DENND1A: variants seen among roughly 807,000 people sequenced by gnomAD.
DENND1A encodes the protein DENN domain-containing protein 1A.
DENND1A carries 51 observed loss-of-function variants against 113.7 expected under a neutral mutation model. That is an observed-to-expected ratio of 0.45 (90% confidence interval 0.36 to 0.57). DENND1A has a LOEUF of 0.57. DENND1A is among the 20% of genes least tolerant of loss of function. The probability of loss-of-function intolerance (pLI) is 0.00; values close to 1 mark genes in which losing one functional copy is unlikely to be tolerated. For synonymous variants in DENND1A, 565 were observed against 570.8 expected (o/e 0.99, Z 0.14); for missense variants, 1,258 against 1,395.9 (o/e 0.90, Z 1.57).
chr9:123,523,345 G>A (rs966117783), intron 13 of DENND1A, among the ~76,000 whole-genome samples: 9 of 152,132 alleles, frequency 5.9e-5, no homozygotes, highest in Admixed American at 4.6e-4. Flanking sequence ...CACAAGAACC[G>A]TGCGAGGCGG....
intron 5 of DENND1A, among the ~76,000 whole-genome samples, chr9:123,691,623 A>G (rs1413793531): frequency 1.3e-5 from 2 of 151,356 alleles, no homozygotes; most frequent in Non-Finnish European, 2.9e-5. Context: ...CAGTCCAAAG[A>G]GCCCAGCTTG....
At chr9:123,493,779 G>A (rs1371501954) in intron 13 of DENND1A, among the ~76,000 whole-genome samples, 2 of 152,160 alleles carry the variant, frequency 1.3e-5, no homozygotes, top group Non-Finnish European at 2.9e-5. Flanking sequence ...GACTACGAGT[G>A]GAGGCTGCCA....
At chr9:123,802,143 G>A (rs1834779883) in intron 2 of DENND1A, among the ~76,000 whole-genome samples, 1 of 152,150 alleles carries the variant, frequency 6.6e-6, no homozygotes, top group Non-Finnish European at 1.5e-5. Context: ...TCAGCCAGAA[G>A]CAAAACTTGC....
At chr9:123,620,067 A>T (rs928807569) in intron 10 of DENND1A, among the ~76,000 whole-genome samples, 1 of 152,028 alleles carries the variant, frequency 6.6e-6, no homozygotes, top group African/African-American at 2.4e-5. Flanking sequence ...ACAAAAAATT[A>T]GCTGGGTGTG....
intron 1 of DENND1A, among the ~76,000 whole-genome samples, chr9:123,913,583 GAGA>G (rs1310828912): frequency 1.3e-5 from 2 of 152,226 alleles, no homozygotes; most frequent in Admixed American, 6.5e-5. Context: ...CTGGAAGAGG[GAGA>G]AGAAGAGAAA....
At chr9:123,653,495 C>CTGTCCCTCTTA (rs1307521956) in intron 8 of DENND1A, among the ~76,000 whole-genome samples, 1 of 152,180 alleles carries the variant, frequency 6.6e-6, no homozygotes, top group Non-Finnish European at 1.5e-5. Flanking sequence ...GAAAGATTCA[C>CTGTCCCTCTTA]ATCTATTATT....
chr9:123,426,169 A>G (rs2045711691), intron 19 of DENND1A, among the ~76,000 whole-genome samples: 1 of 152,144 alleles, frequency 6.6e-6, no homozygotes, highest in Non-Finnish European at 1.5e-5. Context: ...GAGGCTGGGT[A>G]CGTCCTCTTG....
At chr9:123,425,436 G>A (rs908033184) in intron 19 of DENND1A, among the ~76,000 whole-genome samples, 7 of 152,266 alleles carry the variant, frequency 4.6e-5, no homozygotes, top group Non-Finnish European at 8.8e-5. Context: ...ACCTGGCGCC[G>A]CGTGCGGGGA....
chr9:123,406,067 C>T lies in DENND1A; in HGVS notation c.1543-2577G>A, dbSNP rs544639736. Among the ~76,000 whole-genome samples, 8 of 152,324 alleles carry T rather than the reference C, an allele frequency of 5.3e-5. No individual in the cohort carries two copies. In the East Asian group the frequency reaches 1.2e-3, roughly 22 times the overall value. On this transcript the variant is annotated intron_variant, in intron 20 of 23. Transcript: ENST00000394215. ...CCTGCCCACCCTTTTTCCTGAACAT[C>T]GTACCCCCCACCCCCCAGAAGCTTG...
chr9:123,575,588 T>C (rs1385942561), intron 12 of DENND1A, among the ~76,000 whole-genome samples: 4 of 152,220 alleles, frequency 2.6e-5, no homozygotes, highest in African/African-American at 9.7e-5. Context: ...TTAAAATTGA[T>C]CGTTTGGTTA....
intron 10 of DENND1A, among the ~76,000 whole-genome samples, chr9:123,627,248 G>C (rs1392174511): frequency 6.6e-6 from 1 of 152,236 alleles, no homozygotes; most frequent in Non-Finnish European, 1.5e-5. Flanking sequence ...CCCAGGGTCA[G>C]TGGCAAGGCC....
chr9:123,894,409 C>G (rs1850393935), intron 1 of DENND1A, among the ~76,000 whole-genome samples: 1 of 152,194 alleles, frequency 6.6e-6, no homozygotes, highest in Non-Finnish European at 1.5e-5. Context: ...TCCTAAGGAG[C>G]TTACAACCAA....
At chr9:123,427,397 G>A (rs991621168) in intron 19 of DENND1A, among the ~76,000 whole-genome samples, 2 of 152,172 alleles carry the variant, frequency 1.3e-5, no homozygotes, top group African/African-American at 4.8e-5. Context: ...GACTGCAGTG[G>A]ACTTTGTCAC....
chr9:123,632,192 C>T (rs934590621), intron 9 of DENND1A, among the ~76,000 whole-genome samples: 2 of 152,104 alleles, frequency 1.3e-5, no homozygotes, highest in South Asian at 2.1e-4. Flanking sequence ...TGCTACTCCC[C>T]ACCCCCACCT....
chr9:123,902,777 G>C (rs1481886136), intron 1 of DENND1A, among the ~76,000 whole-genome samples: 1 of 145,366 alleles, frequency 6.9e-6, no homozygotes. Context: ...CTGCAAGGAA[G>C]AGGAGAACAA....
chr9:123,393,488 G>A (rs2042957370), intron 21 of DENND1A, among the ~76,000 whole-genome samples: 1 of 151,760 alleles, frequency 6.6e-6, no homozygotes, highest in Admixed American at 6.6e-5. Flanking sequence ...CTTCAGCCCA[G>A]GAGTTCCAGG....
intron 1 of DENND1A, among the ~76,000 whole-genome samples, chr9:123,913,454 G>A (rs1021111930): frequency 2.6e-5 from 4 of 152,056 alleles, no homozygotes; most frequent in Admixed American, 6.6e-5. Context: ...AGGTGGGAGG[G>A]AACCATCAGG....
intron 22 of DENND1A, among the ~76,000 whole-genome samples, chr9:123,387,052 C>T (rs1394351266): frequency 3.3e-5 from 5 of 152,218 alleles, no homozygotes; most frequent in African/African-American, 1.2e-4. Flanking sequence ...AACACATAAC[C>T]GTGTTAACAA....
intron 20 of DENND1A, among the ~76,000 whole-genome samples, chr9:123,406,834 C>T (rs753823743): frequency 6.6e-6 from 1 of 152,094 alleles, no homozygotes; most frequent in Non-Finnish European, 1.5e-5. Context: ...CCCCGCGGGG[C>T]CCCGGGGCAG....
Sources: allele counts gnomAD v4.1 joint callset (sites outside exome capture counted in the v4.1 genomes callset), GRCh38; gene constraint gnomAD v4.1.1; transcripts MANE v1.5; gene names NCBI Gene and HGNC (gene_info 2026-07-23, HGNC 2026-07-21).